The following ABCC5 variants were observed in gnomAD, a reference collection of about 807,000 sequenced individuals.
ABCC5 encodes the protein ATP binding cassette subfamily C member 5, also known as ATP-binding cassette sub-family C member 5.
Under a neutral mutation model 160.9 loss-of-function variants are expected in ABCC5, and 61 were observed. That is an observed-to-expected ratio of 0.38 (90% CI 0.31 to 0.47). ABCC5 has a LOEUF of 0.47. Among genes scored for constraint, ABCC5 ranks in the 20% least tolerant of loss-of-function variants. The probability of loss-of-function intolerance (pLI) is 0.99; values close to 1 mark genes in which losing one functional copy is unlikely to be tolerated. For missense variants in ABCC5, 1,308 were observed against 1,813.3 expected (o/e 0.72, Z 5.06); for synonymous variants, 666 against 700.6 (o/e 0.95, Z 0.78).
rs202101976 is a variant in ABCC5, at chr3:183,953,089, G to A, written c.2664C>T (p.Ser888=). 33 of 1,613,060 alleles carry A rather than the reference G, an allele frequency of 2.0e-5. No individual in the cohort carries two copies. Among genetic ancestry groups the A allele is most frequent in the Non-Finnish European group, 2.5e-5 (30 of 1,179,648 alleles). ...TCCCATTTATGAGTAACCTTACCCC[G>A]CTTCCTTGCTTGATCCAGTAACTCA... ...WWLSYWIKQG[S]GNTTVTRGNE... is the part of the protein sequence containing the mutation. Residue 888 remains serine (S), a synonymous_variant, in exon 18 of 30, where the codon AGC becomes AGT. Transcript: ENST00000334444.
At chr3:183,936,148 C>T (rs1361111620) in intron 26 of ABCC5, among the ~76,000 whole-genome samples, 2 of 152,052 alleles carry the variant, frequency 1.3e-5, no homozygotes, top group Non-Finnish European at 2.9e-5. Context: ...CTCTCCTTTC[C>T]GCGGGCACAC....
chr3:183,996,824 G>C (rs1341485785), intron 2 of ABCC5, among the ~76,000 whole-genome samples: 1 of 152,200 alleles, frequency 6.6e-6, no homozygotes, highest in Non-Finnish European at 1.5e-5. Context: ...ATCAAACCTT[G>C]CTACTCTAAG....
chr3:183,939,327 G>A (rs1714063497), intron 25 of ABCC5, among the ~76,000 whole-genome samples: 1 of 152,126 alleles, frequency 6.6e-6, no homozygotes, highest in Non-Finnish European at 1.5e-5. Context: ...CAGGTACTTG[G>A]GAAGCTAAGG....
intron 24 of ABCC5, among the ~76,000 whole-genome samples, chr3:183,944,500 CTT>C (rs1714663474): frequency 6.6e-6 from 1 of 152,194 alleles, no homozygotes; most frequent in Non-Finnish European, 1.5e-5. Context: ...AGAATATACT[CTT>C]CACATATAAA....
At chr3:183,974,390 C>T (rs1195839275) in intron 10 of ABCC5, among the ~76,000 whole-genome samples, 1 of 152,218 alleles carries the variant, frequency 6.6e-6, no homozygotes, top group Admixed American at 6.5e-5. Flanking sequence ...TCACTGCAAC[C>T]TCTGCCTCCC....
At chr3:183,962,352 C>A (rs57142651) in intron 15 of ABCC5, among the ~76,000 whole-genome samples, 12,166 of 149,012 alleles carry the variant, frequency 0.082, 1,642 homozygotes, top group African/African-American at 0.28. Context: ...GTAAGTTGAA[C>A]CGTAAGCCAG....
intron 2 of ABCC5, among the ~76,000 whole-genome samples, chr3:183,999,113 A>C (rs1412866589): frequency 6.6e-6 from 1 of 151,020 alleles, no homozygotes; most frequent in African/African-American, 2.4e-5. Flanking sequence ...AAAAAAAAAA[A>C]GAAACATAAA....
chr3:183,939,437 A>G (rs1469555941), intron 25 of ABCC5, among the ~76,000 whole-genome samples: 6 of 152,220 alleles, frequency 3.9e-5, no homozygotes, highest in Non-Finnish European at 8.8e-5. Context: ...TGTTTCAAAC[A>G]AAACAAAACA....
At chr3:184,008,988 C>G (rs1255278044) in intron 2 of ABCC5, among the ~76,000 whole-genome samples, 2 of 152,330 alleles carry the variant, frequency 1.3e-5, no homozygotes, top group East Asian at 3.9e-4. Flanking sequence ...TCCCAAGTAG[C>G]TGGGACTACA....
At chr3:184,001,651 T>C (rs1720752664) in intron 2 of ABCC5, among the ~76,000 whole-genome samples, 1 of 152,098 alleles carries the variant, frequency 6.6e-6, no homozygotes, top group East Asian at 1.9e-4. Context: ...AACAAAGAAT[T>C]ATGTGGCCCA....
At chr3:183,955,193 G>C (rs1349760890) in intron 17 of ABCC5, among the ~76,000 whole-genome samples, 1 of 152,130 alleles carries the variant, frequency 6.6e-6, no homozygotes, top group Non-Finnish European at 1.5e-5. Context: ...ACGTAATGCA[G>C]AACTTCCCCT....
intron 26 of ABCC5, among the ~76,000 whole-genome samples, chr3:183,932,369 T>G (rs1713259056): frequency 6.6e-6 from 1 of 152,204 alleles, no homozygotes; most frequent in Admixed American, 6.5e-5. Flanking sequence ...TTGTGTGACT[T>G]TCTTTTTTCG....
At chr3:183,958,059 T>C (rs1393312148) in intron 17 of ABCC5, among the ~76,000 whole-genome samples, 3 of 152,152 alleles carry the variant, frequency 2.0e-5, no homozygotes, top group Non-Finnish European at 4.4e-5. Context: ...TCACATCGGT[T>C]ACATGCAGAT....
At chr3:184,009,798 A>T (rs543938008) in intron 2 of ABCC5, 35 of 220,954 alleles carry the variant, frequency 1.6e-4, no homozygotes, top group South Asian at 1.4e-3. Context: ...GAAATCTTTT[A>T]AAAAAGTTCA....
chr3:183,988,121 A>C lies in ABCC5; in HGVS notation c.444-204T>G, dbSNP rs1170399070. Among the ~76,000 whole-genome samples, 2 of 152,210 alleles carry C rather than the reference A, an allele frequency of 1.3e-5. No individual in the cohort carries two copies. The highest frequency in any genetic ancestry group is 4.8e-5 in the African/African-American group (2 of 41,448). On this transcript the variant is annotated intron_variant, in intron 4 of 29. Transcript: ENST00000334444. The surrounding 1 kb of genome is among the most constrained non-coding windows in gnomAD (Gnocchi z 4.4). ...ATTTACCCTGTATAAGGAGCCTCCC[A>C]GGATACAGAAAATGATGAGAGCAAA...
chr3:183,954,579 G>A (rs561717546), intron 17 of ABCC5, among the ~76,000 whole-genome samples: 17 of 152,282 alleles, frequency 1.1e-4, no homozygotes, highest in African/African-American at 4.1e-4. Flanking sequence ...ATGGAGTTTC[G>A]GGAGGTAAAT....
intron 27 of ABCC5, chr3:183,927,833 T>G (rs1712739278): frequency 1.0e-6 from 1 of 985,110 alleles, no homozygotes; most frequent in Non-Finnish European, 1.2e-6. Context: ...TGAAACATTT[T>G]TTGTAAGCTG....
chr3:184,014,774 G>T (rs1195607948), intron 1 of ABCC5, among the ~76,000 whole-genome samples: 2 of 148,462 alleles, frequency 1.3e-5, no homozygotes, highest in South Asian at 2.1e-4. Context: ...AGAAAGGTTG[G>T]TTTTTTTTTT....
chr3:183,990,348 G>A (rs1458596137), intron 2 of ABCC5, among the ~76,000 whole-genome samples: 2 of 151,684 alleles, frequency 1.3e-5, no homozygotes, highest in Admixed American at 6.6e-5. Context: ...CTCGTGATCC[G>A]CCCACCTCAG....
Sources: allele counts gnomAD v4.1 joint callset (sites outside exome capture counted in the v4.1 genomes callset), GRCh38; gene constraint gnomAD v4.1.1; non-coding constraint Gnocchi (gnomAD v3.1); transcripts MANE v1.5; gene names NCBI Gene and HGNC (gene_info 2026-07-23, HGNC 2026-07-21).